SRBD1: variants seen among roughly 807,000 people sequenced by gnomAD.
SRBD1 encodes S1 RNA binding domain 1, also known as S1 RNA-binding domain-containing protein 1.
SRBD1 carries 88 observed loss-of-function variants against 115.3 expected under a neutral mutation model. The ratio of observed to expected loss-of-function variants is 0.76; its 90% CI spans 0.64 to 0.91. SRBD1 has a LOEUF of 0.91. SRBD1 is among the 40% of genes least tolerant of loss of function. The pLI is 0.00. For synonymous variants in SRBD1, 509 were observed against 407.7 expected (o/e 1.25, Z -2.99); for missense variants, 1,385 against 1,177.4 (o/e 1.18, Z -2.58).
intron 14 of SRBD1, among the ~76,000 whole-genome samples, chr2:45,496,608 T>C (rs569111140): frequency 4.1e-4 from 62 of 152,298 alleles, no homozygotes; most frequent in African/African-American, 1.5e-3. Context: ...CATTCACTAA[T>C]ATGCTTCTAT....
At chr2:45,581,575 A>G in intron 6 of SRBD1, 118 bp downstream of exon 6, 1 of 693,688 alleles carries the variant, frequency 1.4e-6, no homozygotes, top group Non-Finnish European at 2.4e-6. Context: ...ATTTTGTTGC[A>G]TTAAATAATG....
At chr2:45,537,681 G>A (rs181488669) in intron 14 of SRBD1, among the ~76,000 whole-genome samples, 30 of 152,232 alleles carry the variant, frequency 2.0e-4, no homozygotes, top group African/African-American at 7.2e-4. Context: ...GAAGATGATT[G>A]GGATGCTATG....
intron 16 of SRBD1, among the ~76,000 whole-genome samples, chr2:45,423,649 CTTTAAAAAAACAG>C: frequency 6.6e-6 from 1 of 152,064 alleles, no homozygotes. Flanking sequence ...TTCTCAAACT[CTTTAAAAAAACAG>C]AAGAGGAGCC....
intron 14 of SRBD1, among the ~76,000 whole-genome samples, chr2:45,528,559 G>A (rs1671519107): frequency 6.6e-6 from 1 of 151,846 alleles, no homozygotes; most frequent in African/African-American, 2.4e-5. Flanking sequence ...TTGAAACTGA[G>A]GTACCAGAGG....
chr2:45,444,536 A>C (rs959939275), intron 16 of SRBD1, among the ~76,000 whole-genome samples: 5 of 152,168 alleles, frequency 3.3e-5, no homozygotes, highest in African/African-American at 9.7e-5. Context: ...GTAAGTTTAA[A>C]ATAGCTTTGC....
At chr2:45,472,499 G>A (rs1316198820) in intron 16 of SRBD1, among the ~76,000 whole-genome samples, 2 of 152,162 alleles carry the variant, frequency 1.3e-5, no homozygotes, top group African/African-American at 4.8e-5. Context: ...AGATGGGGGG[G>A]TCTCACTATG....
In SRBD1 at chr2:45,389,415, C is replaced by T. The variant is rs764360471; in HGVS notation, c.2883G>A (p.Lys961=). 1.9e-6 allele frequency: 3 copies of T among 1,614,088 alleles called. No individual in the cohort carries two copies. The highest frequency in any genetic ancestry group is 3.3e-5 in the Admixed American group (2 of 60,000). Residue 961 remains lysine, a synonymous_variant, in exon 21 of 21, where the codon AAG becomes AAA. Transcript: ENST00000263736. Reference sequence around the variant, plus strand: ...CGGGGCCCAGTCCAAGGCTTCTTCTCTTCTTTGTTTTTGAAAGTTTTGCTT... The same window carrying T: ...CGGGGCCCAGTCCAAGGCTTCTTCTTTTCTTTGTTTTTGAAAGTTTTGCTT... ...VTEAKLSKTK[K]RRSLGLGPGE...
At chr2:45,424,430 G>T (rs570547055) in intron 16 of SRBD1, among the ~76,000 whole-genome samples, 2 of 151,932 alleles carry the variant, frequency 1.3e-5, no homozygotes, top group Non-Finnish European at 2.9e-5. Flanking sequence ...TTGAAAAAAC[G>T]GCTCAACCAT....
At chr2:45,487,659 A>G (rs1670160659) in intron 15 of SRBD1, among the ~76,000 whole-genome samples, 1 of 151,956 alleles carries the variant, frequency 6.6e-6, no homozygotes, top group Admixed American at 6.6e-5. Context: ...TATTATTATT[A>G]CTAGTATTAT....
intron 10 of SRBD1, among the ~76,000 whole-genome samples, chr2:45,559,432 C>G (rs1357812802): frequency 6.6e-6 from 1 of 152,212 alleles, no homozygotes. Context: ...GGCTCTGTTA[C>G]AAGCACTTTT....
At chr2:45,594,401 G>A (rs1673827816) in intron 4 of SRBD1, among the ~76,000 whole-genome samples, 1 of 152,154 alleles carries the variant, frequency 6.6e-6, no homozygotes. Flanking sequence ...GAAAGAAACT[G>A]GACAACAACC....
chr2:45,598,479 T>C (rs1349777669), intron 4 of SRBD1, among the ~76,000 whole-genome samples: 1 of 151,774 alleles, frequency 6.6e-6, no homozygotes, highest in Non-Finnish European at 1.5e-5. Flanking sequence ...CCGGGCGTGG[T>C]GGCAGGTGCC....
chr2:45,506,503 TA>T (rs981584009), intron 14 of SRBD1, among the ~76,000 whole-genome samples: 14 of 152,200 alleles, frequency 9.2e-5, no homozygotes, highest in African/African-American at 1.2e-4. Flanking sequence ...CCAGCTTTTT[TA>T]CTCCCTAATG....
At chr2:45,605,552 CAAT>C (rs1342562231) in intron 1 of SRBD1, 111 bp from the exon 2 acceptor site, 1 of 1,015,624 alleles carries the variant, frequency 9.8e-7, no homozygotes, top group Non-Finnish European at 1.5e-6. Context: ...AAAACAAAAA[CAAT>C]GATGTTTATT....
At chr2:45,450,137 G>A (rs1042908912) in intron 16 of SRBD1, among the ~76,000 whole-genome samples, 4 of 152,118 alleles carry the variant, frequency 2.6e-5, no homozygotes, top group East Asian at 3.8e-4. Context: ...CATTCATCTC[G>A]TGAGAGTGTT....
intron 9 of SRBD1, 54 bp from the exon 10 acceptor site, chr2:45,562,810 T>G: frequency 8.3e-7 from 1 of 1,211,806 alleles, no homozygotes; most frequent in Non-Finnish European, 1.2e-6. Context: ...ATGAAACAAA[T>G]CAGGCGACTA....
chr2:45,389,720 A>G (rs1419899930), intron 20 of SRBD1, 121 bp from the exon 21 acceptor site: 44 of 1,002,216 alleles, frequency 4.4e-5, no homozygotes, highest in Non-Finnish European at 6.3e-5. Flanking sequence ...TTAAGGGGGG[A>G]TTATAAAAGG....
At chr2:45,605,016 C>T (rs1384853139) in intron 2 of SRBD1, among the ~76,000 whole-genome samples, 2 of 152,120 alleles carry the variant, frequency 1.3e-5, no homozygotes, top group Admixed American at 6.6e-5. Flanking sequence ...AAAGATAGCC[C>T]CCACAACAAA....
chr2:45,605,753 A>T (rs1674249127), intron 1 of SRBD1, among the ~76,000 whole-genome samples: 1 of 151,958 alleles, frequency 6.6e-6, no homozygotes, highest in Non-Finnish European at 1.5e-5. Flanking sequence ...AAAATAGAAA[A>T]ATTAGCCAGG....
Sources: allele counts gnomAD v4.1 joint callset (sites outside exome capture counted in the v4.1 genomes callset), GRCh38; gene constraint gnomAD v4.1.1; transcripts MANE v1.5; gene names NCBI Gene and HGNC (gene_info 2026-07-23, HGNC 2026-07-21).